Variants in USP13 observed in about 807,000 individuals in gnomAD.
The protein encoded by USP13 is ubiquitin specific peptidase 13.
In USP13, 68 loss-of-function variants were observed where a neutral mutation model predicts 107.8. The ratio of observed to expected loss-of-function variants is 0.63; its 90% CI spans 0.52 to 0.77. The LOEUF is 0.77. USP13 is among the 30% of genes least tolerant of loss of function. The pLI, the probability that USP13 is intolerant of heterozygous loss-of-function variation, is 0.00. For synonymous variants in USP13, 377 were observed against 389.5 expected (o/e 0.97, Z 0.38); for missense variants, 945 against 1,093.3 (o/e 0.86, Z 1.91).
At chr3:179,698,580 T>A (rs1323560740) in intron 3 of USP13, among the ~76,000 whole-genome samples, 1 of 151,866 alleles carries the variant, frequency 6.6e-6, no homozygotes, top group Non-Finnish European at 1.5e-5. Flanking sequence ...AGGAGACAGA[T>A]AATATCTTGT....
At chr3:179,696,347 T>TTTTTTA (rs1712325396) in intron 3 of USP13, among the ~76,000 whole-genome samples, 1 of 150,146 alleles carries the variant, frequency 6.7e-6, no homozygotes. Flanking sequence ...TTTTTTTTTT[T>TTTTTTA]GAGATGGAGT....
chr3:179,770,437 A>C (rs1344588598), intron 19 of USP13, among the ~76,000 whole-genome samples: 3 of 152,170 alleles, frequency 2.0e-5, no homozygotes, highest in African/African-American at 7.2e-5. Flanking sequence ...AAATTATATA[A>C]AGGTACCGAT....
chr3:179,684,925 A>G (rs1711816035), intron 2 of USP13, among the ~76,000 whole-genome samples: 1 of 152,118 alleles, frequency 6.6e-6, no homozygotes. Context: ...TTTGATGACA[A>G]TCACATTGAA....
At position 179,764,180 on chromosome 3, in the gene USP13, A is replaced by AGACT. The variant is rs759085945; in HGVS notation, c.2259+14_2259+17dup. 4 of 1,555,770 alleles carry AGACT rather than the reference A, an allele frequency of 2.6e-6. No homozygotes were observed. The highest frequency in any genetic ancestry group is 2.6e-6 in the Non-Finnish European group (3 of 1,157,962). On this transcript the variant is annotated intron_variant, in intron 18 of 20. Transcript: ENST00000263966. ...CACTACGAGCAACGGTGAGCATGAG[A>AGACT]GACTGTGTGTGTGTGTGTGTGTGTG...
chr3:179,719,978 C>A lies in USP13; in HGVS notation c.844C>A (p.Pro282Thr), dbSNP rs1713250235. The A allele has an allele frequency of 6.2e-7, 1 of 1,614,012 alleles. No homozygotes were observed. The highest frequency in any genetic ancestry group is 8.5e-7 in the Non-Finnish European group (1 of 1,179,976). The change falls in exon 7 of 21, where the codon CCT (proline) becomes ACT (threonine). Residue 282 changes from proline (P) to threonine (T), a missense_variant. Transcript: ENST00000263966. ...SFQEEEPVLD[P>T]HLAKHLAHFG... is the part of the protein sequence containing the mutation. ...TCAAGAAGAAGAACCTGTTTTGGAT[C>A]CTCATTTGGCCAAGCACTTAGCGCA...
chr3:179,692,360 A>G (rs1712144040), intron 3 of USP13, among the ~76,000 whole-genome samples: 1 of 152,156 alleles, frequency 6.6e-6, no homozygotes, highest in Non-Finnish European at 1.5e-5. Context: ...ATTCTCAGTT[A>G]CTCTGTGCTG....
chr3:179,744,365 G>GT (rs1286988308), intron 12 of USP13, among the ~76,000 whole-genome samples: 18 of 141,482 alleles, frequency 1.3e-4, no homozygotes, highest in East Asian at 1.2e-3. Context: ...GTTTTGTTTT[G>GT]TTTTTTTCTG....
intron 16 of USP13, 116 bp from the exon 17 acceptor site, chr3:179,760,994 TAC>T: frequency 7.9e-7 from 1 of 1,266,098 alleles, no homozygotes; most frequent in Non-Finnish European, 1.1e-6. Flanking sequence ...AACCATTATC[TAC>T]ACCCAACAGA....
chr3:179,708,936 AC>A lies in USP13; in HGVS notation c.786del (p.Ile263SerfsTer26). 1 of 1,614,170 alleles carries A rather than the reference AC, an allele frequency of 6.2e-7. No homozygotes were observed. Among genetic ancestry groups the A allele is most frequent in the Non-Finnish European group, 8.5e-7 (1 of 1,180,032 alleles). On this transcript the variant is annotated frameshift_variant, in exon 6 of 21. Coordinates refer to ENST00000263966, the MANE Select transcript of USP13 (RefSeq NM_003940.3). LOFTEE classifies it high-confidence loss of function. The part of the protein sequence containing the change: ...MGYPLAVKLG[T>X]ITPDGADVYS... ...CTACCCACTAGCCGTGAAACTGGGAACCATCACTCCTGACGGGGCAGGTGAG... is the reference window on the plus strand; with the variant it reads ...CTACCCACTAGCCGTGAAACTGGGAACATCACTCCTGACGGGGCAGGTGAG...
At chr3:179,696,775 A>G (rs1185396522) in intron 3 of USP13, among the ~76,000 whole-genome samples, 1 of 152,102 alleles carries the variant, frequency 6.6e-6, no homozygotes, top group East Asian at 1.9e-4. Context: ...AAAGTTGGTG[A>G]GTTTGGGGTA....
intron 11 of USP13, among the ~76,000 whole-genome samples, chr3:179,741,790 C>G (rs932984285): frequency 1.3e-5 from 2 of 152,208 alleles, no homozygotes; most frequent in African/African-American, 4.8e-5. Flanking sequence ...GTTAACAGAG[C>G]ATAATTTCTG....
At position 179,771,894 on chromosome 3, in the gene USP13, G is replaced by A. The variant is rs918833343; in HGVS notation, c.2413+6046G>A. 2.0e-5 allele frequency among the ~76,000 whole-genome samples: 3 copies of A among 152,204 alleles called. No homozygotes were observed. The South Asian group carries it at 6.2e-4, about 31-fold the overall frequency. On this transcript the variant is annotated intron_variant, in intron 19 of 20. Coordinates refer to ENST00000263966, the MANE Select transcript of USP13 (RefSeq NM_003940.3). ...GCGTCTAATTTGTTTAAAAAGGTTA[G>A]TGCTATTAACACTTGATGAAATAGT... is the stretch of plus-strand genomic sequence containing the variant.
intron 19 of USP13, among the ~76,000 whole-genome samples, chr3:179,777,448 T>C (rs1226137737): frequency 2.7e-5 from 4 of 149,730 alleles, no homozygotes; most frequent in East Asian, 2.0e-4. Context: ...TCTCTCTTTT[T>C]TTTTTTTTTT....
intron 6 of USP13, 132 bp downstream of exon 6, chr3:179,709,089 T>A: frequency 8.8e-7 from 1 of 1,130,808 alleles, no homozygotes; most frequent in Non-Finnish European, 1.2e-6. Context: ...TAATTCTGCC[T>A]CTTATTAGTT....
At chr3:179,779,732 A>AG (rs1560085401) in intron 19 of USP13, among the ~76,000 whole-genome samples, 1 of 151,770 alleles carries the variant, frequency 6.6e-6, no homozygotes, top group Non-Finnish European at 1.5e-5. Context: ...AAAAAAAAAA[A>AG]AAAAAGAAAA....
At chr3:179,778,294 CTTCA>C (rs1715616031) in intron 19 of USP13, among the ~76,000 whole-genome samples, 1 of 152,060 alleles carries the variant, frequency 6.6e-6, no homozygotes, top group Non-Finnish European at 1.5e-5. Context: ...GGAGTCATTC[CTTCA>C]TTCATTCATT....
intron 16 of USP13, 64 bp from the exon 17 acceptor site, chr3:179,761,048 A>G: frequency 6.3e-7 from 1 of 1,595,436 alleles, no homozygotes. Context: ...GAGAGTGGAG[A>G]GTAGCTAAGA....
rs577803825 is a variant in USP13 at position 179,721,611 on chromosome 3, C to G, written c.1088+22C>G. On this transcript the variant is annotated intron_variant, in intron 8 of 20. Transcript: ENST00000263966. The surrounding 1 kb of genome is among the most constrained non-coding windows in gnomAD (Gnocchi z 4.3). ...GAGCGTAAGTGCCTTCCATGCAGACCAGGGCACGCGGCACCTCCCTGCCCC... is the reference window on the plus strand; with the variant it reads ...GAGCGTAAGTGCCTTCCATGCAGACGAGGGCACGCGGCACCTCCCTGCCCC... 10 of 1,609,578 alleles carry G rather than the reference C, an allele frequency of 6.2e-6. No individual in the cohort carries two copies. The highest frequency in any genetic ancestry group is 4.5e-5 in the East Asian group (2 of 44,844).
At chr3:179,657,776 A>AAG (rs1720317761) in intron 1 of USP13, among the ~76,000 whole-genome samples, 1 of 147,540 alleles carries the variant, frequency 6.8e-6, no homozygotes, top group South Asian at 2.1e-4. Flanking sequence ...AAAAAAAAAA[A>AAG]AAAAAAAAAA....
Sources: allele counts gnomAD v4.1 joint callset (sites outside exome capture counted in the v4.1 genomes callset), GRCh38; gene constraint gnomAD v4.1.1; non-coding constraint Gnocchi (gnomAD v3.1); transcripts MANE v1.5; gene names NCBI Gene and HGNC (gene_info 2026-07-23, HGNC 2026-07-21).